Variants in SLC10A7 observed in about 807,000 individuals in gnomAD.
SLC10A7 encodes sodium/bile acid cotransporter 7.
SLC10A7 carries 29 observed loss-of-function variants against 43.2 expected under a neutral mutation model. The observed-to-expected ratio is 0.67, with a 90% CI of 0.50 to 0.92. The LOEUF (loss-of-function observed/expected upper bound fraction) is 0.92. Among genes scored for constraint, SLC10A7 ranks in the 40% least tolerant of loss-of-function variants. The pLI, the probability that SLC10A7 is intolerant of heterozygous loss-of-function variation, is 0.00. For synonymous variants in SLC10A7, 152 were observed against 144.8 expected, an observed-to-expected ratio of 1.05 and a Z score of -0.35; for missense variants, 295 against 403.2, an observed-to-expected ratio of 0.73 and a Z score of 2.30.
intron 4 of SLC10A7, among the ~76,000 whole-genome samples, chr4:146,451,542 G>T (rs551431151): frequency 5.3e-5 from 8 of 152,150 alleles, no homozygotes; most frequent in African/African-American, 1.9e-4. Context: ...GATCAACTGG[G>T]ATTTATCCTA....
At chr4:146,393,273 CA>C (rs1302491878) in intron 5 of SLC10A7, among the ~76,000 whole-genome samples, 1 of 143,354 alleles carries the variant, frequency 7.0e-6, no homozygotes, top group Non-Finnish European at 1.5e-5. Context: ...CCATTCTTTA[CA>C]TGCATTTTTA....
intron 5 of SLC10A7, among the ~76,000 whole-genome samples, chr4:146,374,266 A>T (rs530462068): frequency 3.3e-5 from 5 of 152,322 alleles, no homozygotes; most frequent in African/African-American, 1.2e-4. Flanking sequence ...CAGATGCTCA[A>T]TGAATGTTTT....
chr4:146,468,473 A>ATTT (rs368637891), intron 4 of SLC10A7, among the ~76,000 whole-genome samples: 154 of 143,578 alleles, frequency 1.1e-3, no homozygotes, highest in African/African-American at 1.6e-3. Context: ...TTATATTTTA[A>ATTT]TTTTTTTTTT....
At chr4:146,262,809 G>T (rs1196926369) in intron 10 of SLC10A7, among the ~76,000 whole-genome samples, 1 of 152,174 alleles carries the variant, frequency 6.6e-6, no homozygotes, top group East Asian at 1.9e-4. Context: ...GAGTTGTCCT[G>T]TCCAAGCCAT....
intron 5 of SLC10A7, among the ~76,000 whole-genome samples, chr4:146,400,361 G>A (rs1362191198): frequency 6.6e-6 from 1 of 152,036 alleles, no homozygotes; most frequent in South Asian, 2.1e-4. Context: ...TGGAACACTT[G>A]TTTCAAATTT....
intron 7 of SLC10A7, among the ~76,000 whole-genome samples, chr4:146,301,359 G>A (rs1365915032): frequency 1.3e-5 from 2 of 152,144 alleles, no homozygotes; most frequent in East Asian, 3.8e-4. Context: ...CATGGGAAAA[G>A]CAGAGCCCTA....
chr4:146,517,088 T>C lies in SLC10A7; in HGVS notation c.133A>G (p.Ile45Val). The change falls in exon 2 of 12, where the codon ATT becomes GTT. Residue 45 changes from isoleucine (I) to valine (V), a missense_variant. Coordinates refer to ENST00000335472, the MANE Select transcript of SLC10A7 (RefSeq NM_001029998.6). ...TTAAAGAATATTGTTGCAACAGCAA[T>C]GTAGGATACAGTTATTTCTGGCTTC... is the stretch of plus-strand genomic sequence containing the variant. The part of the protein sequence containing the change: ...PLKPEITVSY[I>V]AVATIFFNSG... 3.7e-6 allele frequency: 6 copies of C among 1,610,362 alleles called. No homozygotes were observed. The highest frequency in any genetic ancestry group is 2.2e-5 in the South Asian group (2 of 90,638).
At chr4:146,327,143 C>T (rs1313048802) in intron 5 of SLC10A7, among the ~76,000 whole-genome samples, 1 of 152,106 alleles carries the variant, frequency 6.6e-6, no homozygotes, top group Non-Finnish European at 1.5e-5. Flanking sequence ...TTGCATGTGG[C>T]CCAAGAGGGA....
At chr4:146,430,722 C>A (rs917205950) in intron 5 of SLC10A7, among the ~76,000 whole-genome samples, 1 of 152,082 alleles carries the variant, frequency 6.6e-6, no homozygotes, top group African/African-American at 2.4e-5. Context: ...CAGAGTATAA[C>A]CATCCCCGGA....
At chr4:146,330,094 G>GA (rs1274283752) in intron 5 of SLC10A7, among the ~76,000 whole-genome samples, 1 of 152,108 alleles carries the variant, frequency 6.6e-6, no homozygotes, top group Non-Finnish European at 1.5e-5. Flanking sequence ...GTTGTCTCCT[G>GA]AAAAAACTTT....
At position 146,382,966 on chromosome 4, in the gene SLC10A7, A is replaced by T. The variant is rs923459453; in HGVS notation, c.436-56970T>A. 2.6e-5 allele frequency among the ~76,000 whole-genome samples: 4 copies of T among 151,734 alleles called. No individual in the cohort carries two copies. The East Asian group carries it at 7.7e-4, about 29-fold the overall frequency. On this transcript the variant is annotated intron_variant, in intron 5 of 11. Coordinates refer to ENST00000335472, the MANE Select transcript of SLC10A7 (RefSeq NM_001029998.6). ...CAATATCGGTGAAACTTTCCTTGGT[A>T]CCTCTAACCACCTCTAGGCACTGCC...
chr4:146,315,786 T>C (rs1297046693), intron 6 of SLC10A7, among the ~76,000 whole-genome samples: 2 of 152,134 alleles, frequency 1.3e-5, no homozygotes, highest in Non-Finnish European at 2.9e-5. Context: ...AAAAGGATGA[T>C]TATTTTGCTT....
At chr4:146,333,018 C>T (rs918451245) in intron 5 of SLC10A7, among the ~76,000 whole-genome samples, 1 of 152,112 alleles carries the variant, frequency 6.6e-6, no homozygotes, top group African/African-American at 2.4e-5. Flanking sequence ...TTATTGAGTA[C>T]CATGTATCCT....
intron 5 of SLC10A7, among the ~76,000 whole-genome samples, chr4:146,351,721 G>C (rs1402412817): frequency 6.7e-6 from 1 of 148,506 alleles, no homozygotes; most frequent in Admixed American, 6.7e-5. Flanking sequence ...AGAGAGTGGG[G>C]GCCAATATTC....
intron 4 of SLC10A7, among the ~76,000 whole-genome samples, chr4:146,489,988 C>T (rs1735249434): frequency 6.6e-6 from 1 of 151,186 alleles, no homozygotes; most frequent in African/African-American, 2.4e-5. Flanking sequence ...AAATTTTTTT[C>T]AAGGGAGCTA....
intron 5 of SLC10A7, among the ~76,000 whole-genome samples, chr4:146,362,468 A>G (rs1353038975): frequency 2.6e-5 from 4 of 152,190 alleles, no homozygotes; most frequent in Non-Finnish European, 5.9e-5. Flanking sequence ...GCTGAAGGAA[A>G]AAATATTTCA....
rs1193601089 is a variant in SLC10A7 at position 146,342,460 on chromosome 4, T to C, written c.436-16464A>G. ...AAAAATAAGAAGAAATAAATATCTG[T>C]TTTGGACAAAAACCTTACCAATAGT... On this transcript the variant is annotated intron_variant, in intron 5 of 11. Transcript: ENST00000335472. Among the ~76,000 whole-genome samples the C allele has an allele frequency of 2.0e-5, 3 of 151,758 alleles. 1 individual carries two copies. In the East Asian group the frequency reaches 5.8e-4, roughly 29 times the overall value.
chr4:146,340,535 G>GGA (rs35059793), intron 5 of SLC10A7, among the ~76,000 whole-genome samples: 14,180 of 141,782 alleles, frequency 0.1, 1,223 homozygotes, highest in African/African-American at 0.24. Flanking sequence ...ATATATATAT[G>GGA]GAGAGAGAGA....
intron 4 of SLC10A7, among the ~76,000 whole-genome samples, chr4:146,474,997 T>C (rs1021516813): frequency 2.6e-5 from 4 of 152,184 alleles, no homozygotes; most frequent in African/African-American, 9.7e-5. Flanking sequence ...GAAAACCATT[T>C]GATTCCTAAG....
Sources: allele counts gnomAD v4.1 joint callset (sites outside exome capture counted in the v4.1 genomes callset), GRCh38; gene constraint gnomAD v4.1.1; transcripts MANE v1.5; gene names NCBI Gene and HGNC (gene_info 2026-07-23, HGNC 2026-07-21).